Variants in CSTPP1 observed in about 807,000 individuals in gnomAD.
CSTPP1 encodes centriolar satellite-associated tubulin polyglutamylase complex regulator 1, also known as UPF0705 protein C11orf49.
chr11:47,159,725 G>C, the CSTPP1 span: 1 of 456,252 alleles, frequency 2.2e-6, no homozygotes, highest in African/African-American at 2.0e-5. Flanking sequence ...AAGGACACTG[G>C]CTGGGTGTGG....
the CSTPP1 span, among the ~76,000 whole-genome samples, chr11:46,948,893 G>A: frequency 6.6e-6 from 1 of 152,142 alleles, no homozygotes; most frequent in Non-Finnish European, 1.5e-5. Context: ...AGCTCCACAC[G>A]TCAGTTATGT....
chr11:47,041,689 T>C, the CSTPP1 span: 1 of 487,386 alleles, frequency 2.1e-6, no homozygotes, highest in Non-Finnish European at 4.2e-6. Flanking sequence ...CTGGCTGGGG[T>C]CAATTTCCAC....
chr11:47,117,830 T>G, the CSTPP1 span, among the ~76,000 whole-genome samples: 2 of 152,048 alleles, frequency 1.3e-5, no homozygotes, highest in East Asian at 3.9e-4. Flanking sequence ...AGTTCATTTC[T>G]TTTTAGTCTT....
chr11:46,963,459 A>G, the CSTPP1 span, among the ~76,000 whole-genome samples: 1 of 151,882 alleles, frequency 6.6e-6, no homozygotes, highest in Non-Finnish European at 1.5e-5. Context: ...TTTTGGAGGG[A>G]AAAAAAGAAA....
chr11:46,952,950 C>A, the CSTPP1 span, among the ~76,000 whole-genome samples: 1 of 152,058 alleles, frequency 6.6e-6, no homozygotes, highest in East Asian at 1.9e-4. Context: ...TTCCAGAGAG[C>A]TAGTTTTACA....
the CSTPP1 span, among the ~76,000 whole-genome samples, chr11:47,085,924 A>G: frequency 1.6e-5 from 2 of 124,566 alleles, no homozygotes; most frequent in African/African-American, 6.1e-5. Flanking sequence ...TGGCTGAAGC[A>G]TTGCTGGCAG....
the CSTPP1 span, among the ~76,000 whole-genome samples, chr11:47,107,785 A>G: frequency 5.9e-5 from 9 of 152,058 alleles, no homozygotes; most frequent in Non-Finnish European, 1.3e-4. Context: ...CTCCACCTCC[A>G]CCCCTGCAAT....
the CSTPP1 span, among the ~76,000 whole-genome samples, chr11:47,118,141 G>T: frequency 6.6e-6 from 1 of 152,054 alleles, no homozygotes; most frequent in African/African-American, 2.4e-5. Context: ...GCCTCCCAAA[G>T]TGCTGGGATT....
chr11:46,998,930 G>C, the CSTPP1 span, among the ~76,000 whole-genome samples: 1 of 151,698 alleles, frequency 6.6e-6, no homozygotes, highest in African/African-American at 2.4e-5. Context: ...TTAGTAGAGA[G>C]GGGGCTTCAC....
the CSTPP1 span, among the ~76,000 whole-genome samples, chr11:46,997,118 G>A: frequency 6.6e-6 from 1 of 152,164 alleles, no homozygotes; most frequent in South Asian, 2.1e-4. Context: ...CTAGGTTGGG[G>A]AAGTTCTCCT....
At chr11:47,151,585 A>C in the CSTPP1 span, among the ~76,000 whole-genome samples, 1 of 47,810 alleles carries the variant, frequency 2.1e-5, no homozygotes, top group Non-Finnish European at 4.1e-5. Flanking sequence ...ATTGGCTTGG[A>C]GCAGAGGGTG....
the CSTPP1 span, among the ~76,000 whole-genome samples, chr11:46,986,595 G>A: frequency 6.6e-6 from 1 of 151,908 alleles, no homozygotes. Context: ...GAGTAGCTGG[G>A]ATTACTAGCT....
the CSTPP1 span, among the ~76,000 whole-genome samples, chr11:47,061,545 G>A: frequency 1.3e-5 from 2 of 152,280 alleles, no homozygotes; most frequent in African/African-American, 4.8e-5. Flanking sequence ...TACTACAGGA[G>A]TGGGTGGCTG....
chr11:46,968,880 C>T, the CSTPP1 span, among the ~76,000 whole-genome samples: 3 of 151,964 alleles, frequency 2.0e-5, no homozygotes, highest in Non-Finnish European at 4.4e-5. Context: ...GCCTGGGCAA[C>T]AGAGTGAGAT....
the CSTPP1 span, among the ~76,000 whole-genome samples, chr11:47,159,455 A>G: frequency 1.3e-5 from 2 of 152,082 alleles, no homozygotes; most frequent in Non-Finnish European, 2.9e-5. Context: ...GGTTGCGGTG[A>G]GCCGAGATCA....
chr11:47,089,673 C>T, the CSTPP1 span, among the ~76,000 whole-genome samples: 8 of 152,162 alleles, frequency 5.3e-5, no homozygotes, highest in African/African-American at 1.9e-4. Flanking sequence ...CCAGGATTTA[C>T]AGAGGTTATA....
the CSTPP1 span, among the ~76,000 whole-genome samples, chr11:46,959,566 T>A: frequency 1.3e-5 from 2 of 152,266 alleles, no homozygotes; most frequent in African/African-American, 4.8e-5. Context: ...TTAACCCAAT[T>A]TTCCATTTTT....
chr11:47,047,829 C>G, the CSTPP1 span, among the ~76,000 whole-genome samples: 2 of 152,072 alleles, frequency 1.3e-5, no homozygotes, highest in Non-Finnish European at 2.9e-5. Context: ...CAAAACAACC[C>G]AATTTAAAAA....
the CSTPP1 span, among the ~76,000 whole-genome samples, chr11:47,116,288 T>C: frequency 6.6e-6 from 1 of 152,228 alleles, no homozygotes; most frequent in African/African-American, 2.4e-5. Flanking sequence ...AGAATGTATA[T>C]TCTGTTGATT....
Sources: allele counts gnomAD v4.1 joint callset (sites outside exome capture counted in the v4.1 genomes callset), GRCh38; gene constraint gnomAD v4.1.1; transcripts MANE v1.5; gene names NCBI Gene and HGNC (gene_info 2026-07-23, HGNC 2026-07-21).